DIP2C: variants seen among roughly 807,000 people sequenced by gnomAD.
DIP2C encodes disco-interacting protein 2 homolog C.
A neutral mutation model predicts 192.4 loss-of-function variants in DIP2C; 33 were observed. The ratio of observed to expected loss-of-function variants is 0.17; its 90% CI spans 0.13 to 0.23. DIP2C has a LOEUF of 0.23. Ranked by LOEUF, DIP2C falls within the 10% of genes least tolerant of loss-of-function variation. The probability of loss-of-function intolerance (pLI) is 1.00; values close to 1 mark genes in which losing one functional copy is unlikely to be tolerated. For missense variants in DIP2C, 1,537 were observed against 2,110.1 expected, an observed-to-expected ratio of 0.73 and a Z score of 5.32; for synonymous variants, 979 against 864.1, an observed-to-expected ratio of 1.13 and a Z score of -2.33.
At chr10:552,607 T>C (rs1848645350) in intron 1 of DIP2C, among the ~76,000 whole-genome samples, 1 of 152,196 alleles carries the variant, frequency 6.6e-6, no homozygotes, top group Non-Finnish European at 1.5e-5. Context: ...TCCCAGCACT[T>C]TGGGAGGCCG....
Position 356,482 on chromosome 10 carries a change from G to C in DIP2C, c.2929C>G (p.Gln977Glu). ...TCCGGGGTGGTCTGTGCTCTCCACT[G>C]CAAGACCTCTGAGAGGAACAGGAAC... ...RKFLFLSEVL[Q>E]WRAQTTPDHI... Residue 977 changes from glutamine to glutamate, a missense_variant, in exon 24 of 37, where the codon CAG becomes GAG. By Grantham distance (29) the Gln-to-Glu change is conservative (BLOSUM62 2). This residue lies in a region of DIP2C where 677 missense variants were observed against 989.9 expected (regional missense o/e 0.68). Transcript: ENST00000280886. 6.2e-7 allele frequency: 1 copy of C among 1,612,232 alleles called. No individual in the cohort carries two copies. Among genetic ancestry groups the C allele is most frequent in the Non-Finnish European group, 8.5e-7 (1 of 1,179,902 alleles).
intron 10 of DIP2C, among the ~76,000 whole-genome samples, chr10:394,937 C>G (rs1963851177): frequency 2.0e-5 from 3 of 152,054 alleles, no homozygotes; most frequent in South Asian, 4.1e-4. Flanking sequence ...CTGTGCCACA[C>G]AGTGGGCACT....
At position 689,335 on chromosome 10, in the gene DIP2C, G is replaced by A. The variant is rs963645609; in HGVS notation, c.85+159C>T. Among the ~76,000 whole-genome samples the A allele has an allele frequency of 4.0e-5, 6 of 151,436 alleles. No homozygotes were observed. The highest frequency in any genetic ancestry group is 1.5e-4 in the African/African-American group (6 of 41,292). ...GCCTCACAAACGTCCCTAGGGCGCG[G>A]GGTCTGGGGGTCCGGGGGACGCGCA... On this transcript the variant is annotated intron_variant, in intron 1 of 36. Coordinates refer to ENST00000280886, the MANE Select transcript of DIP2C (RefSeq NM_014974.3). This position sits in a 1 kb window ranked among gnomAD's most constrained non-coding sequence, Gnocchi z 6.1.
chr10:286,224 G>A (rs767094299), intron 34 of DIP2C, 49 bp downstream of exon 34: 14 of 1,577,618 alleles, frequency 8.9e-6, no homozygotes, highest in Non-Finnish European at 1.1e-5. Flanking sequence ...GGCAAGCCAA[G>A]GATACATAAC....
chr10:489,815 C>T (rs1279843584), intron 1 of DIP2C, among the ~76,000 whole-genome samples: 10 of 109,514 alleles, frequency 9.1e-5, no homozygotes, highest in East Asian at 2.9e-4. Context: ...TGACGGTGCC[C>T]GGGGCTTCCT....
intron 29 of DIP2C, among the ~76,000 whole-genome samples, chr10:339,466 G>A (rs1439047152): frequency 1.3e-5 from 2 of 149,858 alleles, no homozygotes; most frequent in Admixed American, 1.3e-4. Flanking sequence ...GGGTTCACAC[G>A]GAGAACTTAC....
intron 1 of DIP2C, among the ~76,000 whole-genome samples, chr10:659,588 C>T (rs529701096): frequency 2.0e-5 from 3 of 152,364 alleles, no homozygotes; most frequent in South Asian, 2.1e-4. Flanking sequence ...AATAGGCACA[C>T]ATGCCTGAAG....
At chr10:639,003 G>A (rs923606112) in intron 1 of DIP2C, among the ~76,000 whole-genome samples, 19 of 152,326 alleles carry the variant, frequency 1.2e-4, no homozygotes, top group African/African-American at 4.6e-4. Context: ...CACGGAGCCC[G>A]CACACAATCC....
chr10:283,510 A>G lies in DIP2C; in HGVS notation c.4120-64T>C, dbSNP rs974178640. The stretch of plus-strand genomic sequence containing the variant: ...TTTATCTCCAGGGAAATGAGACTAC[A>G]ACTACTTTGACAATTCAGTACATTA... On this transcript the variant is annotated intron_variant, in intron 34 of 36. Coordinates refer to ENST00000280886, the MANE Select transcript of DIP2C (RefSeq NM_014974.3). 4 of 1,573,020 alleles carry G rather than the reference A, an allele frequency of 2.5e-6. No homozygotes were observed. The African/African-American group carries it at 5.4e-5, about 21-fold the overall frequency.
intron 3 of DIP2C, 128 bp from the exon 4 acceptor site, chr10:441,124 G>A: frequency 1.8e-6 from 2 of 1,099,226 alleles, no homozygotes; most frequent in South Asian, 2.0e-5. Context: ...GGGTGGGCGA[G>A]GAAAGAAAAT....
At chr10:317,586 CAT>C (rs1318201826) in intron 31 of DIP2C, among the ~76,000 whole-genome samples, 2 of 152,190 alleles carry the variant, frequency 1.3e-5, no homozygotes, top group Non-Finnish European at 2.9e-5. Context: ...TGGTTCAAGA[CAT>C]AGACTAAAAG....
At chr10:556,005 A>G (rs1032203782) in intron 1 of DIP2C, among the ~76,000 whole-genome samples, 13 of 152,132 alleles carry the variant, frequency 8.5e-5, no homozygotes, top group African/African-American at 2.7e-4. Flanking sequence ...TCTCAAGGAA[A>G]TCCTGTTACA....
At chr10:476,163 C>T (rs1274840931) in intron 2 of DIP2C, among the ~76,000 whole-genome samples, 2 of 152,152 alleles carry the variant, frequency 1.3e-5, no homozygotes, top group Non-Finnish European at 2.9e-5. Context: ...GGGTGGCTGC[C>T]TTCACACACT....
intron 1 of DIP2C, among the ~76,000 whole-genome samples, chr10:645,001 C>T (rs1052565744): frequency 2.0e-5 from 3 of 152,154 alleles, no homozygotes; most frequent in African/African-American, 7.2e-5. Context: ...TGAAGAGGCA[C>T]CTAAAAGCTG....
At chr10:605,746 T>C (rs750182442) in intron 1 of DIP2C, among the ~76,000 whole-genome samples, 12 of 152,166 alleles carry the variant, frequency 7.9e-5, no homozygotes, top group Non-Finnish European at 1.8e-4. Flanking sequence ...CAGGATAACA[T>C]AATTATGCAA....
intron 24 of DIP2C, among the ~76,000 whole-genome samples, chr10:352,669 T>G (rs1212833079): frequency 6.6e-6 from 1 of 151,954 alleles, no homozygotes; most frequent in Non-Finnish European, 1.5e-5. Context: ...ACGAGGTGAG[T>G]GAACACTGGA....
rs186693520 is a variant in DIP2C, at chr10:501,821, C to G, written c.86-15291G>C. ...CCAGGTATTTGGCAATATCAGAACA[C>G]AAAACATAAAACCTCTGCACCTTCG... On this transcript the variant is annotated intron_variant, in intron 1 of 36. Coordinates refer to ENST00000280886, the MANE Select transcript of DIP2C (RefSeq NM_014974.3). 2.9e-4 allele frequency among the ~76,000 whole-genome samples: 44 copies of G among 152,264 alleles called. No homozygotes were observed. The East Asian group carries it at 7.9e-3, about 27-fold the overall frequency.
chr10:538,087 G>C (rs1847789999), intron 1 of DIP2C, among the ~76,000 whole-genome samples: 4 of 152,112 alleles, frequency 2.6e-5, no homozygotes, highest in Admixed American at 2.6e-4. Context: ...ACCGTGCCTG[G>C]CTGTGAATGT....
rs552791028 is a variant in DIP2C, at chr10:422,407, C to A, written c.604+417G>T. 7.2e-5 allele frequency among the ~76,000 whole-genome samples: 11 copies of A among 152,270 alleles called. No individual in the cohort carries two copies. The South Asian group carries it at 1.5e-3, about 20-fold the overall frequency. On this transcript the variant is annotated intron_variant, in intron 5 of 36. Coordinates refer to ENST00000280886, the MANE Select transcript of DIP2C (RefSeq NM_014974.3). ...ATAGAACCTACACAAAGCAGTGTGCCGGCCCCCAAGAAGTCTGAACACCTG... is the reference window on the plus strand; with the variant it reads ...ATAGAACCTACACAAAGCAGTGTGCAGGCCCCCAAGAAGTCTGAACACCTG...
Sources: allele counts gnomAD v4.1 joint callset (sites outside exome capture counted in the v4.1 genomes callset), GRCh38; gene constraint gnomAD v4.1.1; regional missense constraint gnomAD v4.1.1; non-coding constraint Gnocchi (gnomAD v3.1); transcripts MANE v1.5; gene names NCBI Gene and HGNC (gene_info 2026-07-23, HGNC 2026-07-21).